NIPBL: variants seen among roughly 807,000 people sequenced by gnomAD.
NIPBL encodes nipped-B-like protein.
A neutral mutation model predicts 321.8 loss-of-function variants in NIPBL; 19 were observed. That is an observed-to-expected ratio of 0.06 (90% CI 0.04 to 0.09). The LOEUF (loss-of-function observed/expected upper bound fraction) is 0.09. NIPBL is among the 10% of genes least tolerant of loss of function. NIPBL has a pLI of 1.00. For synonymous variants in NIPBL, 1,106 were observed against 1,114.1 expected (o/e 0.99, Z 0.14); for missense variants, 2,210 against 3,327.0 (o/e 0.66, Z 8.26).
chr5:37,008,235 GA>G, intron 19 of NIPBL, 147 bp downstream of exon 19: 1 of 638,656 alleles, frequency 1.6e-6, no homozygotes, highest in Non-Finnish European at 2.8e-6. Flanking sequence ...AGTCTTATTA[GA>G]CTTTATTAAT....
intron 24 of NIPBL, among the ~76,000 whole-genome samples, chr5:37,017,415 T>C (rs900505287): frequency 6.6e-6 from 1 of 152,122 alleles, no homozygotes; most frequent in African/African-American, 2.4e-5. Context: ...TGTATAATGC[T>C]GTTTTATATT....
intron 30 of NIPBL, among the ~76,000 whole-genome samples, 181 bp from the exon 31 acceptor site, chr5:37,026,048 T>C (rs554187392): frequency 1.3e-5 from 2 of 152,252 alleles, no homozygotes; most frequent in East Asian, 3.9e-4. Context: ...ATTGAAAATT[T>C]TTATAGTTTT....
In NIPBL at chr5:37,010,117, T is replaced by C; in HGVS notation, c.4452T>C (p.Pro1484=). The change falls in exon 21 of 47, where the codon CCT becomes CCC. Residue 1484 remains proline, a synonymous_variant. Coordinates refer to ENST00000282516, the MANE Select transcript of NIPBL (RefSeq NM_133433.4). ...RLNSSDMDGE[P]MYIQMVTALV... ...ACAGTAGTGATATGGATGGAGAACC[T>C]ATGTATATTCAGATGGTTACAGCAC... 1 of 1,612,408 alleles carries C rather than the reference T, an allele frequency of 6.2e-7. No individual in the cohort carries two copies. Among genetic ancestry groups the C allele is most frequent in the Non-Finnish European group, 8.5e-7 (1 of 1,178,586 alleles).
At chr5:37,044,243 C>T in intron 34 of NIPBL, 104 bp from the exon 35 acceptor site, 1 of 1,020,860 alleles carries the variant, frequency 9.8e-7, no homozygotes, top group Non-Finnish European at 1.4e-6. Context: ...TTAACTGGAC[C>T]TTTACGTGCA....
At chr5:36,937,459 C>T (rs141794640) in intron 1 of NIPBL, among the ~76,000 whole-genome samples, 1 of 152,230 alleles carries the variant, frequency 6.6e-6, no homozygotes, top group Non-Finnish European at 1.5e-5. Context: ...TTAAACCATA[C>T]CGTTGGAGAT....
intron 21 of NIPBL, among the ~76,000 whole-genome samples, chr5:37,014,381 A>T (rs965263126): frequency 1.3e-5 from 2 of 151,814 alleles, no homozygotes; most frequent in Non-Finnish European, 2.9e-5. Flanking sequence ...TTTTATTTTC[A>T]ATCCATTTCT....
intron 32 of NIPBL, among the ~76,000 whole-genome samples, chr5:37,029,998 C>G (rs959578952): frequency 3.9e-5 from 6 of 152,084 alleles, no homozygotes; most frequent in African/African-American, 1.2e-4. Flanking sequence ...CTAAAAGGCT[C>G]TAAATCATAT....
At chr5:36,972,267 G>A (rs563707561) in intron 8 of NIPBL, among the ~76,000 whole-genome samples, 8 of 151,650 alleles carry the variant, frequency 5.3e-5, no homozygotes, top group East Asian at 1.9e-4. Flanking sequence ...TAGTATTCTC[G>A]GATACATCCA....
intron 1 of NIPBL, among the ~76,000 whole-genome samples, chr5:36,921,223 T>C (rs2123010): frequency 0.1 from 15,900 of 152,058 alleles, 1,127 homozygotes; most frequent in East Asian, 0.26. Context: ...AAAAAAAAAT[T>C]ACTGATATTT....
At chr5:37,055,169 C>CA (rs1753965058) in intron 42 of NIPBL, among the ~76,000 whole-genome samples, 1 of 151,806 alleles carries the variant, frequency 6.6e-6, no homozygotes. Flanking sequence ...GCCAACATGG[C>CA]AAAATCCTCT....
chr5:36,977,312 ACTT>A (rs1743586889), intron 9 of NIPBL, among the ~76,000 whole-genome samples: 1 of 151,888 alleles, frequency 6.6e-6, no homozygotes, highest in Non-Finnish European at 1.5e-5. Flanking sequence ...TAATGATAAA[ACTT>A]CTTGATATTG....
intron 8 of NIPBL, among the ~76,000 whole-genome samples, chr5:36,974,859 A>G (rs577677962): frequency 6.6e-6 from 1 of 152,202 alleles, no homozygotes; most frequent in African/African-American, 2.4e-5. Flanking sequence ...ACAATTTCTT[A>G]CAAGTTTTTA....
At position 37,046,138 on chromosome 5, in the gene NIPBL, A is replaced by G. The variant is rs1193127395; in HGVS notation, c.6528A>G (p.Leu2176=). The G allele has an allele frequency of 5.8e-6, 9 of 1,564,818 alleles. No individual in the cohort carries two copies. Among genetic ancestry groups the G allele is most frequent in the Admixed American group, 1.7e-5 (1 of 59,926 alleles). Residue 2176 remains leucine, a synonymous_variant, in exon 38 of 47, where the codon CTA becomes CTG. Transcript: ENST00000282516. ...KVNIKDKVLE[L]LMYFTKHSDE... ...ACATAAAAGATAAAGTACTTGAACTATTGATGTATTTTACAAAACACTCAG... is the reference window on the plus strand; with the variant it reads ...ACATAAAAGATAAAGTACTTGAACTGTTGATGTATTTTACAAAACACTCAG...
At chr5:36,968,112 CAAAA>C (rs1248532097) in intron 6 of NIPBL, among the ~76,000 whole-genome samples, 1 of 102,544 alleles carries the variant, frequency 9.8e-6, no homozygotes, top group Non-Finnish European at 1.9e-5. Context: ...AAAAAAAAAA[CAAAA>C]AACAAAAAAC....
intron 38 of NIPBL, 74 bp from the exon 39 acceptor site, chr5:37,048,424 AATTT>A (rs1250975244): frequency 4.2e-5 from 38 of 898,452 alleles, no homozygotes; most frequent in Non-Finnish European, 5.9e-5. Flanking sequence ...CCGTTTATAT[AATTT>A]ATTAACATAT....
chr5:36,892,511 C>A (rs1746416199), intron 1 of NIPBL, among the ~76,000 whole-genome samples: 1 of 152,142 alleles, frequency 6.6e-6, no homozygotes, highest in Non-Finnish European at 1.5e-5. Context: ...CGGCACTATT[C>A]ACAATAGCAA....
intron 1 of NIPBL, among the ~76,000 whole-genome samples, chr5:36,950,205 A>G (rs1336982615): frequency 2.0e-5 from 3 of 152,030 alleles, no homozygotes; most frequent in Non-Finnish European, 4.4e-5. Context: ...CCAAATAATT[A>G]TTTATAATAG....
chr5:37,024,777 T>G (rs1179231716), intron 30 of NIPBL, 58 bp downstream of exon 30: 5 of 1,330,100 alleles, frequency 3.8e-6, no homozygotes, highest in Non-Finnish European at 5.3e-6. Context: ...GTTAAATGTT[T>G]ATTGCACCTA....
chr5:37,062,295 C>A (rs1754800195), intron 45 of NIPBL, among the ~76,000 whole-genome samples: 1 of 152,164 alleles, frequency 6.6e-6, no homozygotes, highest in African/African-American at 2.4e-5. Context: ...AGCAGTCATT[C>A]TCTTACCGTG....
Sources: allele counts gnomAD v4.1 joint callset (sites outside exome capture counted in the v4.1 genomes callset), GRCh38; gene constraint gnomAD v4.1.1; transcripts MANE v1.5; gene names NCBI Gene and HGNC (gene_info 2026-07-23, HGNC 2026-07-21).